Variants in PLCB2 observed in about 807,000 individuals in gnomAD.
The protein encoded by PLCB2 is 1-phosphatidylinositol 4,5-bisphosphate phosphodiesterase beta-2.
In PLCB2, 115 loss-of-function variants were observed where a neutral mutation model predicts 141.7. The observed-to-expected ratio is 0.81, with a 90% CI of 0.70 to 0.95. The LOEUF (loss-of-function observed/expected upper bound fraction) is 0.95. PLCB2 is among the 40% of genes least tolerant of loss of function. The pLI is 0.00. For synonymous variants in PLCB2, 603 were observed against 595.6 expected, an observed-to-expected ratio of 1.01 and a Z score of -0.18; for missense variants, 1,403 against 1,541.1, an observed-to-expected ratio of 0.91 and a Z score of 1.50.
At chr15:40,286,928 T>C (rs375610571), downstream of PLCB2, among the ~76,000 whole-genome samples, 34 of 152,360 alleles carry the variant, frequency 2.2e-4, 1 homozygote, top group East Asian at 6.6e-3. Flanking sequence ...CTGCGTGGCC[T>C]GGCCCAGAGG....
chr15:40,294,803 G>A (rs917349915), intron 18 of PLCB2, 133 bp downstream of exon 18: 17 of 1,100,488 alleles, frequency 1.5e-5, no homozygotes, highest in East Asian at 2.6e-5. Flanking sequence ...AAATTCTCAC[G>A]CACCTGGGCA....
chr15:40,303,438 G>T (rs564045205), intron 2 of PLCB2, 82 bp from the exon 3 acceptor site: 2 of 975,304 alleles, frequency 2.1e-6, no homozygotes, highest in East Asian at 4.8e-5. Flanking sequence ...GCAATAGGGA[G>T]AAGGGAGCTT....
At chr15:40,304,742 G>T (rs573705815) in intron 1 of PLCB2, among the ~76,000 whole-genome samples, 1 of 152,262 alleles carries the variant, frequency 6.6e-6, no homozygotes, top group East Asian at 1.9e-4. Context: ...TGAGCTTGGT[G>T]CTTGGTGCTT....
rs924126595 is a variant in PLCB2 at position 40,298,015 on chromosome 15, G to C, written c.1156-56C>G. On this transcript the variant is annotated intron_variant, in intron 11 of 31. Transcript: ENST00000260402. The stretch of plus-strand genomic sequence containing the variant: ...GGTCAGCGTTCCGACTGCCTGTCTC[G>C]TGATAGCACTTTTCCCCCCTGCCTA... The C allele has an allele frequency of 7.4e-6, 10 of 1,352,006 alleles. No individual in the cohort carries two copies. In the South Asian group the frequency reaches 1.1e-4, roughly 15 times the overall value. The allele number at this position is 1,352,006 out of a possible 1,614,324, so 83.8% of individuals were successfully genotyped here. A position where few individuals can be genotyped will look rare whatever the true frequency, so the allele number is the denominator to read the frequency against.
rs746285655 is a variant in PLCB2, at chr15:40,290,710, G to A, written c.3114-38C>T. 7.4e-6 allele frequency: 12 copies of A among 1,611,324 alleles called. No individual in the cohort carries two copies. The East Asian group carries it at 2.0e-4, about 27-fold the overall frequency. ...AGGCATGAAGGAGCTGTTTTGTGCG[G>A]CTGAGCCCTTGCTGGGAGGCGAAGC... On this transcript the variant is annotated intron_variant, in intron 28 of 31. Coordinates refer to ENST00000260402, the MANE Select transcript of PLCB2 (RefSeq NM_004573.3).
rs377571128 is a variant in PLCB2, at chr15:40,297,611, G to A, written c.1239-6C>T. ...TCTTAGCCTGCTGGCGGGGTCTGCGGGGAGCAAAAGCGGGGATGGGGTTCA... is the reference window on the plus strand; with the variant it reads ...TCTTAGCCTGCTGGCGGGGTCTGCGAGGAGCAAAAGCGGGGATGGGGTTCA... On this transcript the variant is annotated splice_polypyrimidine_tract_variant and splice_region_variant and intron_variant, in intron 12 of 31. Transcript: ENST00000260402. The surrounding 1 kb of genome is among the most constrained non-coding windows in gnomAD (Gnocchi z 4.2). 88 of 1,612,764 alleles carry A rather than the reference G, an allele frequency of 5.5e-5. No individual in the cohort carries two copies. In the African/African-American group the frequency reaches 1.1e-3, roughly 20 times the overall value.
rs773843302 is a variant in PLCB2, at chr15:40,293,673, C to G, written c.2113G>C (p.Val705Leu). ...SERSVRTYVE[V>L]ELFGLPGDPK... ...TCCCCAGGAAGGCCAAACAGCTCCA[C>G]TTCTACATAGGTGCGCACGCTGCGT... The change falls in exon 20 of 32, where the codon GTG becomes CTG. Residue 705 changes from valine (V) to leucine (L), a missense_variant. Val to Leu is a conservative substitution (Grantham distance 32, BLOSUM62 1). Coordinates refer to ENST00000260402, the MANE Select transcript of PLCB2 (RefSeq NM_004573.3). 6.2e-7 allele frequency: 1 copy of G among 1,614,146 alleles called. No individual in the cohort carries two copies.
chr15:40,295,362 A>G (rs1312732157), intron 16 of PLCB2, 77 bp from the exon 17 acceptor site: 2 of 1,002,128 alleles, frequency 2.0e-6, no homozygotes, highest in Admixed American at 3.5e-5. Flanking sequence ...CCTTTGGGGC[A>G]GCTCCCTCTG....
chr15:40,288,835 G>A lies in PLCB2; in HGVS notation c.3438C>T (p.Leu1146=). The A allele has an allele frequency of 6.2e-7, 1 of 1,614,054 alleles. No individual in the cohort carries two copies. ...AEVKESVRAC[L]RTCFPSEAKD... ...TGGCCTCGGAGGGAAAGCAGGTCCT[G>A]AGGCAGGCCCTCACCGACTCCTTCA... is the stretch of plus-strand genomic sequence containing the variant. The change falls in exon 32 of 32, where the codon CTC becomes CTT. Residue 1146 remains leucine (L), a synonymous_variant. Transcript: ENST00000260402.
chr15:40,294,237 C>T, intron 19 of PLCB2, 29 bp downstream of exon 19: 1 of 1,611,000 alleles, frequency 6.2e-7, no homozygotes. Context: ...CCTCAGCCTC[C>T]CGGCCACTTG....
downstream of PLCB2, chr15:40,284,476 A>G: frequency 2.2e-6 from 1 of 456,016 alleles, no homozygotes; most frequent in South Asian, 1.5e-5. Context: ...AGTTGTGGGC[A>G]GGAGAGGGCT....
intron 7 of PLCB2, among the ~76,000 whole-genome samples, chr15:40,299,936 C>A (rs1049093740): frequency 2.6e-5 from 4 of 152,114 alleles, no homozygotes; most frequent in Admixed American, 6.6e-5. Context: ...AAAAGGTGCT[C>A]AATATAATTT....
chr15:40,303,876 A>G (rs2040654303), intron 2 of PLCB2, 125 bp downstream of exon 2: 1 of 660,354 alleles, frequency 1.5e-6, no homozygotes, highest in Non-Finnish European at 2.7e-6. Flanking sequence ...GAGCCTCTGG[A>G]GCCACCCTTC....
rs377091907 is a variant in PLCB2 at position 40,295,708 on chromosome 15, TA to T, written c.1697-424del. Reference sequence around the variant, plus strand: ...GGGGAGAGGGGCACATTAACTGTAGTACATGCCATGAGTGTACCCAGGTGGG... The same window carrying T: ...GGGGAGAGGGGCACATTAACTGTAGTCATGCCATGAGTGTACCCAGGTGGG... On this transcript the variant is annotated intron_variant, in intron 16 of 31. Transcript: ENST00000260402. Among the ~76,000 whole-genome samples, 39 of 152,252 alleles carry T rather than the reference TA, an allele frequency of 2.6e-4. No individual in the cohort carries two copies. In the East Asian group the frequency reaches 5.8e-3, roughly 23 times the overall value.
chr15:40,298,286 T>G lies in PLCB2; in HGVS notation c.1092A>C (p.Lys364Asn). 3 of 1,602,802 alleles carry G rather than the reference T, an allele frequency of 1.9e-6. No homozygotes were observed. Among genetic ancestry groups the G allele is most frequent in the Non-Finnish European group, 2.6e-6 (3 of 1,173,028 alleles). ...RCVELDCWKG[K>N]PPDEEPIITH... ...TGATAATGGGCTCCTCGTCAGGGGG[T>G]TTCCCCTTCCAGCAGTCTAGCTCCA... is the stretch of plus-strand genomic sequence containing the variant. The change falls in exon 11 of 32, where the codon AAA becomes AAC. Residue 364 changes from lysine (K) to asparagine (N), a missense_variant. Lys to Asn is a moderately conservative substitution (Grantham distance 94, BLOSUM62 0). Coordinates refer to ENST00000260402, the MANE Select transcript of PLCB2 (RefSeq NM_004573.3).
In PLCB2 at chr15:40,294,165, A is replaced by C. The variant is rs937452538; in HGVS notation, c.2061+101T>G. On this transcript the variant is annotated intron_variant, in intron 19 of 31. Transcript: ENST00000260402. ...ACTGGCTGGGGCTGAAGTTTCCAGGATATCAGGGGAGGGGGTTGCGAGTTG... is the reference window on the plus strand; with the variant it reads ...ACTGGCTGGGGCTGAAGTTTCCAGGCTATCAGGGGAGGGGGTTGCGAGTTG... 7.6e-6 allele frequency: 9 copies of C among 1,187,746 alleles called. No homozygotes were observed. In the African/African-American group the frequency reaches 1.2e-4, roughly 16 times the overall value. 73.6% of individuals were successfully genotyped at this position (1,187,746 alleles called of 1,614,324 possible). A position where few individuals can be genotyped will look rare whatever the true frequency, so the allele number is the denominator to read the frequency against.
chr15:40,291,541 C>T (rs1213817917), intron 25 of PLCB2, 54 bp from the exon 26 acceptor site: 2 of 1,607,930 alleles, frequency 1.2e-6, no homozygotes, highest in East Asian at 2.2e-5. Context: ...GCCCGTCCAA[C>T]CCCCAAGGAG....
At position 40,301,957 on chromosome 15, in the gene PLCB2, T is replaced by G. The variant is rs1459647707; in HGVS notation, c.582A>C (p.Lys194Asn). The change falls in exon 7 of 32, where the codon AAA becomes AAC. Residue 194 changes from lysine (K) to asparagine (N), a missense_variant and splice_region_variant. This residue lies in a region of PLCB2 where 975 missense variants were observed against 1,141.1 expected (regional missense o/e 0.85). Coordinates refer to ENST00000260402, the MANE Select transcript of PLCB2 (RefSeq NM_004573.3). ...TGGGCAGGGGTGCAGATCCACTCAC[T>G]TTGCCTTTGGGGAGGTGGCAGGCAC... ...ALSACHLPKG[K>N]NDAINPEDFP... 1 of 1,613,464 alleles carries G rather than the reference T, an allele frequency of 6.2e-7. No individual in the cohort carries two copies. The highest frequency in any genetic ancestry group is 1.3e-5 in the African/African-American group (1 of 74,884).
Position 40,296,296 on chromosome 15 carries a change from G to C in PLCB2, c.1696C>G (p.Gln566Glu), listed in dbSNP as rs774851076. The change falls in exon 16 of 32, where the codon CAA becomes GAA. Residue 566 changes from glutamine to glutamate, a missense_variant and splice_region_variant. Around this residue, in one of 4 missense-constraint regions of PLCB2, gnomAD observed 975 missense variants for 1,141.1 expected, o/e 0.85. Coordinates refer to ENST00000260402, the MANE Select transcript of PLCB2 (RefSeq NM_004573.3). ...CCGTAAGTTACTCATGCTAACTTAC[G>C]GGCAGAGAACTCAAAGGAGACGAAC... ...TKFVSFEFSAQKNRSYVISSF... is the reference protein window; with the variant it reads ...TKFVSFEFSAEKNRSYVISSF... The C allele has an allele frequency of 1.9e-6, 3 of 1,611,126 alleles. No homozygotes were observed. The highest frequency in any genetic ancestry group is 2.5e-6 in the Non-Finnish European group (3 of 1,178,150).
Sources: allele counts gnomAD v4.1 joint callset (sites outside exome capture counted in the v4.1 genomes callset), GRCh38; gene constraint gnomAD v4.1.1; regional missense constraint gnomAD v4.1.1; non-coding constraint Gnocchi (gnomAD v3.1); transcripts MANE v1.5; gene names NCBI Gene and HGNC (gene_info 2026-07-23, HGNC 2026-07-21).